Variants in TENT4B observed in about 807,000 individuals in gnomAD.
TENT4B encodes the protein terminal nucleotidyltransferase 4B.
Under a neutral mutation model 75.0 loss-of-function variants are expected in TENT4B, and 10 were observed. The observed-to-expected ratio is 0.13, with a 90% CI of 0.08 to 0.23. The LOEUF is 0.23. Ranked by LOEUF, TENT4B falls within the 10% of genes least tolerant of loss-of-function variation. TENT4B has a pLI of 1.00. For missense variants in TENT4B, 579 were observed against 893.8 expected, an observed-to-expected ratio of 0.65 and a Z score of 4.49; for synonymous variants, 350 against 357.7, an observed-to-expected ratio of 0.98 and a Z score of 0.24.
Position 50,232,633 on chromosome 16 carries a change from C to T in TENT4B, c.*3305C>T, listed in dbSNP as rs150175860. 212 of 985,230 alleles carry T rather than the reference C, an allele frequency of 2.2e-4. No homozygotes were observed. In the East Asian group the frequency reaches 0.011, roughly 50 times the overall value. 61.0% of individuals were successfully genotyped at this position (985,230 alleles called of 1,614,324 possible). ...AGGGTCAGAAAAGAGTAATGACCAC[C>T]GTGACGTGCAGGATTCTCTTGCTGT... is the stretch of plus-strand genomic sequence containing the variant. On this transcript the variant is annotated 3_prime_UTR_variant, in exon 12 of 12. Transcript: ENST00000561678.
At chr16:50,166,780 ATTTTTTT>A (rs57856238) in intron 1 of TENT4B, among the ~76,000 whole-genome samples, 28,458 of 115,932 alleles carry the variant, frequency 0.25, 3,085 homozygotes, top group African/African-American at 0.32. Flanking sequence ...TGCCTGGCTA[ATTTTTTT>A]TTTTTTTTTT....
intron 5 of TENT4B, 87 bp from the exon 6 acceptor site, chr16:50,222,219 T>A (rs2031862379): frequency 8.0e-7 from 1 of 1,253,802 alleles, no homozygotes; most frequent in Non-Finnish European, 1.1e-6. Context: ...CCAAATTTTA[T>A]AATGTAAGGA....
At chr16:50,179,560 G>A (rs919048277) in intron 1 of TENT4B, among the ~76,000 whole-genome samples, 2 of 152,076 alleles carry the variant, frequency 1.3e-5, no homozygotes, top group African/African-American at 4.8e-5. Context: ...TCTGATATTT[G>A]CAGAAGATAT....
chr16:50,152,968 C>T, upstream of TENT4B: 2 of 1,512,938 alleles, frequency 1.3e-6, no homozygotes, highest in Non-Finnish European at 1.8e-6. Flanking sequence ...GCCTCGTCCA[C>T]GCTCAGCACC....
Position 50,230,342 on chromosome 16 carries a change from C to T in TENT4B, c.*1014C>T. The T allele has an allele frequency of 1.0e-6, 1 of 983,466 alleles. No homozygotes were observed. Among genetic ancestry groups the T allele is most frequent in the Non-Finnish European group, 1.2e-6 (1 of 829,508 alleles). The allele number at this position is 983,466 out of a possible 1,614,324, so 60.9% of individuals were successfully genotyped here. The stretch of plus-strand genomic sequence containing the variant: ...AGGTCACCCATGTCTGGTCTCATTC[C>T]TGTTGCAGTGAAACTTCGAGTTCCA... On this transcript the variant is annotated 3_prime_UTR_variant, in exon 12 of 12. Coordinates refer to ENST00000561678, the MANE Select transcript of TENT4B (RefSeq NM_001365324.3).
chr16:50,195,578 A>C (rs1266679901), intron 1 of TENT4B, among the ~76,000 whole-genome samples: 1 of 152,196 alleles, frequency 6.6e-6, no homozygotes, highest in Non-Finnish European at 1.5e-5. Context: ...TGAGTCATGA[A>C]AACAAAAGGA....
chr16:50,191,662 G>C (rs532284393), intron 1 of TENT4B, among the ~76,000 whole-genome samples: 2 of 152,204 alleles, frequency 1.3e-5, no homozygotes, highest in Non-Finnish European at 2.9e-5. Context: ...GCTCATGCCT[G>C]TAATCCCAGC....
chr16:50,205,472 T>C (rs1219925205), intron 1 of TENT4B, among the ~76,000 whole-genome samples: 1 of 150,956 alleles, frequency 6.6e-6, no homozygotes, highest in Admixed American at 6.6e-5. Flanking sequence ...TAAGGTAATA[T>C]CTGTTAACAG....
chr16:50,175,857 G>C (rs1456593446), intron 1 of TENT4B, among the ~76,000 whole-genome samples: 1 of 151,772 alleles, frequency 6.6e-6, no homozygotes, highest in Non-Finnish European at 1.5e-5. Flanking sequence ...TCAAGGCTTC[G>C]TTGCAGCCTT....
At chr16:50,196,096 G>A (rs1158035630) in intron 1 of TENT4B, among the ~76,000 whole-genome samples, 1 of 152,184 alleles carries the variant, frequency 6.6e-6, no homozygotes, top group Non-Finnish European at 1.5e-5. Flanking sequence ...GAGAAATTAG[G>A]TGGTAAATGC....
intron 1 of TENT4B, among the ~76,000 whole-genome samples, chr16:50,208,149 A>G (rs72780126): frequency 6.6e-6 from 1 of 152,292 alleles, no homozygotes; most frequent in Non-Finnish European, 1.5e-5. Flanking sequence ...TGCTTTAATA[A>G]TAGCCCTCCT....
At chr16:50,211,173 A>G (rs1442630934) in intron 1 of TENT4B, 150 bp from the exon 2 acceptor site, 4 of 836,444 alleles carry the variant, frequency 4.8e-6, no homozygotes, top group Non-Finnish European at 6.8e-6. Flanking sequence ...AATTCTGTAC[A>G]TTCCCATTTT....
intron 1 of TENT4B, among the ~76,000 whole-genome samples, chr16:50,206,778 G>A (rs939839652): frequency 6.6e-6 from 1 of 152,118 alleles, no homozygotes; most frequent in Non-Finnish European, 1.5e-5. Context: ...GCTGAAGGAT[G>A]CGAAATGGTT....
intron 1 of TENT4B, among the ~76,000 whole-genome samples, chr16:50,197,066 C>G (rs1488923198): frequency 6.6e-6 from 1 of 151,196 alleles, no homozygotes; most frequent in Non-Finnish European, 1.5e-5. Context: ...GTGATTGTGC[C>G]ACTGCCTTCC....
At chr16:50,153,155 G>A (rs1476447109), upstream of TENT4B, 5 of 435,038 alleles carry the variant, frequency 1.1e-5, no homozygotes, top group Non-Finnish European at 1.6e-5. Flanking sequence ...CGCAGCGGGG[G>A]CGGGGCGAGC....
intron 1 of TENT4B, among the ~76,000 whole-genome samples, chr16:50,182,889 ACC>A (rs2038443185): frequency 1.6e-4 from 1 of 6,226 alleles, no homozygotes; most frequent in Non-Finnish European, 5.7e-4. Flanking sequence ...GTTTTATTTT[ACC>A]TTTTTTTTTT....
rs1460584973 is a variant in TENT4B, at chr16:50,155,266, C to T, written c.638+1007C>T. 5.6e-5 allele frequency among the ~76,000 whole-genome samples: 3 copies of T among 54,004 alleles called. No homozygotes were observed. In the Admixed American group the frequency reaches 6.1e-4, roughly 11 times the overall value. The allele number at this position is 54,004 out of a possible 152,430, so 35.4% of individuals were successfully genotyped here. A position where few individuals can be genotyped will look rare whatever the true frequency, so the allele number is the denominator to read the frequency against. ...GTTTTGTAAAACAAAGCTTTTGGGT[C>T]TCGTGGGTGTGTGTGTGTGTGTGTG... On this transcript the variant is annotated intron_variant, in intron 1 of 11. Coordinates refer to ENST00000561678, the MANE Select transcript of TENT4B (RefSeq NM_001365324.3).
At chr16:50,160,168 G>A (rs955593337) in intron 1 of TENT4B, among the ~76,000 whole-genome samples, 4 of 152,124 alleles carry the variant, frequency 2.6e-5, no homozygotes, top group Admixed American at 6.5e-5. Flanking sequence ...ACAGTGCTAG[G>A]ATTACAGACA....
At chr16:50,179,860 T>C (rs754781173) in intron 1 of TENT4B, among the ~76,000 whole-genome samples, 5 of 152,124 alleles carry the variant, frequency 3.3e-5, no homozygotes, top group Non-Finnish European at 5.9e-5. Context: ...GTCTGTTAAA[T>C]CAAATAAAAC....
Sources: gnomAD v4.1 joint callset for allele counts (sites outside exome capture counted in the v4.1 genomes callset) on GRCh38, gnomAD v4.1.1 for gene constraint, MANE v1.5 for transcripts, NCBI Gene and HGNC (gene_info 2026-07-23, HGNC 2026-07-21) for gene names.